Variants in CTNND2 observed in about 807,000 individuals in gnomAD.
CTNND2 encodes catenin delta 2.
A neutral mutation model predicts 144.4 loss-of-function variants in CTNND2; 22 were observed. That is an observed-to-expected ratio of 0.15 (90% CI 0.11 to 0.22). The LOEUF (loss-of-function observed/expected upper bound fraction) is 0.22. Among genes scored for constraint, CTNND2 ranks in the 10% least tolerant of loss-of-function variants. CTNND2 has a pLI of 1.00. For missense variants in CTNND2, 1,353 were observed against 1,618.8 expected, an observed-to-expected ratio of 0.84 and a Z score of 2.82; for synonymous variants, 751 against 695.6, an observed-to-expected ratio of 1.08 and a Z score of -1.25.
chr5:11,421,956 G>A (rs907450417), intron 3 of CTNND2, among the ~76,000 whole-genome samples: 21 of 152,000 alleles, frequency 1.4e-4, no homozygotes, highest in African/African-American at 4.8e-4. Context: ...AAAAGTTAAG[G>A]GTATAAAACA....
intron 16 of CTNND2, among the ~76,000 whole-genome samples, chr5:11,056,936 C>T (rs778522188): frequency 4.6e-5 from 7 of 152,212 alleles, no homozygotes; most frequent in Non-Finnish European, 1.0e-4. Flanking sequence ...GGGCCAGTGT[C>T]ACTCTTCATG....
intron 18 of CTNND2, among the ~76,000 whole-genome samples, chr5:11,001,293 T>C (rs1739936775): frequency 6.6e-6 from 1 of 152,184 alleles, no homozygotes; most frequent in Non-Finnish European, 1.5e-5. Context: ...TATTGCCAAA[T>C]AAATTATGCC....
chr5:11,626,155 A>C (rs1236917879), intron 2 of CTNND2, among the ~76,000 whole-genome samples: 2 of 152,114 alleles, frequency 1.3e-5, no homozygotes, highest in African/African-American at 4.8e-5. Context: ...GGTCACAGAG[A>C]TTTCCATTGT....
intron 5 of CTNND2, among the ~76,000 whole-genome samples, chr5:11,406,979 TAAC>T (rs1485042158): frequency 2.6e-5 from 4 of 151,122 alleles, no homozygotes; most frequent in Non-Finnish European, 5.9e-5. Flanking sequence ...TTAAACAAAT[TAAC>T]AATCTGTGGT....
At chr5:11,442,206 T>C (rs1356522341) in intron 3 of CTNND2, among the ~76,000 whole-genome samples, 1 of 152,206 alleles carries the variant, frequency 6.6e-6, no homozygotes, top group Non-Finnish European at 1.5e-5. Flanking sequence ...TTTTGCATCT[T>C]ATTATTTTAT....
At chr5:11,277,821 G>A (rs575465113) in intron 9 of CTNND2, among the ~76,000 whole-genome samples, 7 of 152,088 alleles carry the variant, frequency 4.6e-5, no homozygotes, top group East Asian at 3.9e-4. Context: ...GTGAGCCACC[G>A]CATCCAGCCT....
chr5:11,582,649 CA>C (rs999717389), intron 2 of CTNND2, among the ~76,000 whole-genome samples: 6 of 152,084 alleles, frequency 3.9e-5, no homozygotes, highest in African/African-American at 1.4e-4. Context: ...AACACATCAT[CA>C]AAAAATAAAG....
At chr5:11,782,662 T>C (rs1242244335) in intron 1 of CTNND2, among the ~76,000 whole-genome samples, 1 of 152,232 alleles carries the variant, frequency 6.6e-6, no homozygotes, top group Non-Finnish European at 1.5e-5. Flanking sequence ...AAAAAATTTA[T>C]TTGCTTGGTC....
intron 2 of CTNND2, among the ~76,000 whole-genome samples, chr5:11,568,444 C>T (rs1327267460): frequency 2.0e-5 from 3 of 152,180 alleles, no homozygotes; most frequent in African/African-American, 4.8e-5. Flanking sequence ...CCTTGCCACA[C>T]CACTGAGGCT....
At chr5:11,499,199 CA>C (rs373445519) in intron 3 of CTNND2, among the ~76,000 whole-genome samples, 59 of 152,212 alleles carry the variant, frequency 3.9e-4, no homozygotes, top group African/African-American at 1.3e-3. Flanking sequence ...GAAAAAATTT[CA>C]AGTTAAAATA....
intron 1 of CTNND2, among the ~76,000 whole-genome samples, chr5:11,881,324 C>T (rs922516706): frequency 6.6e-6 from 1 of 151,932 alleles, no homozygotes; most frequent in Non-Finnish European, 1.5e-5. Flanking sequence ...TCTCATCTAG[C>T]TATTATTGCT....
At chr5:11,353,803 C>CAA (rs762692283) in intron 8 of CTNND2, among the ~76,000 whole-genome samples, 5 of 121,554 alleles carry the variant, frequency 4.1e-5, no homozygotes, top group South Asian at 2.6e-4. Context: ...GACTCCATTT[C>CAA]AAAAAAAAAA....
At chr5:11,423,704 T>C (rs1213258695) in intron 3 of CTNND2, among the ~76,000 whole-genome samples, 3 of 152,344 alleles carry the variant, frequency 2.0e-5, no homozygotes, top group South Asian at 2.1e-4. Flanking sequence ...GATGTGCTCA[T>C]AGCTTCTCTT....
At chr5:11,280,036 A>G (rs1045611852) in intron 9 of CTNND2, among the ~76,000 whole-genome samples, 4 of 152,128 alleles carry the variant, frequency 2.6e-5, no homozygotes, top group African/African-American at 7.2e-5. Flanking sequence ...TACACAAACT[A>G]TATCATGCCT....
chr5:11,729,357 T>C (rs1787200478), intron 2 of CTNND2, among the ~76,000 whole-genome samples: 1 of 152,190 alleles, frequency 6.6e-6, no homozygotes, highest in African/African-American at 2.4e-5. Context: ...CAAATGCTAA[T>C]CAATATTAAT....
chr5:11,095,777 G>A lies in CTNND2; in HGVS notation c.2637+2798C>T, dbSNP rs542511084. ...TTTAACATGTCTTTTTTATCTGTCC[G>A]CTTTTAGGATTTTTTTTCTTTGTTA... is the stretch of plus-strand genomic sequence containing the variant. On this transcript the variant is annotated intron_variant, in intron 15 of 21. Coordinates refer to ENST00000304623, the MANE Select transcript of CTNND2 (RefSeq NM_001332.4). Among the ~76,000 whole-genome samples, 829 of 152,146 alleles carry A rather than the reference G, an allele frequency of 5.4e-3. 5 individuals carry two copies. Among genetic ancestry groups the A allele is most frequent in the Middle Eastern group, 0.01 (3 of 294 alleles).
chr5:11,564,863 G>T, intron 3 of CTNND2, 81 bp downstream of exon 3: 2 of 899,896 alleles, frequency 2.2e-6, no homozygotes, highest in Non-Finnish European at 1.8e-6. Flanking sequence ...TTCCACCACC[G>T]GGTTGGAAAG....
At chr5:11,647,377 G>A (rs1035656920) in intron 2 of CTNND2, among the ~76,000 whole-genome samples, 1 of 151,930 alleles carries the variant, frequency 6.6e-6, no homozygotes. Context: ...GAGAATCCAC[G>A]CTGTGTGGAA....
At chr5:11,214,606 T>G (rs367823733) in intron 10 of CTNND2, among the ~76,000 whole-genome samples, 1 of 152,192 alleles carries the variant, frequency 6.6e-6, no homozygotes, top group Non-Finnish European at 1.5e-5. Context: ...TCAGATCATG[T>G]TGATCACTGC....
Sources: allele counts gnomAD v4.1 joint callset (sites outside exome capture counted in the v4.1 genomes callset), GRCh38; gene constraint gnomAD v4.1.1; transcripts MANE v1.5; gene names NCBI Gene and HGNC (gene_info 2026-07-23, HGNC 2026-07-21).